The following DNAH5 variants were observed in gnomAD, a reference collection of about 807,000 sequenced individuals.
DNAH5 encodes the protein axonemal beta dynein heavy chain 5.
A neutral mutation model predicts 518.2 loss-of-function variants in DNAH5; 372 were observed. The ratio of observed to expected loss-of-function variants is 0.72; its 90% confidence interval spans 0.66 to 0.78. The LOEUF is 0.78. DNAH5 is among the 30% of genes least tolerant of loss of function. The pLI is 0.00. For missense variants in DNAH5, 5,523 were observed against 5,687.0 expected (o/e 0.97, Z 0.93); for synonymous variants, 2,039 against 2,025.9 (o/e 1.01, Z -0.17).
At chr5:13,770,420 C>A (rs575375708) in intron 56 of DNAH5, among the ~76,000 whole-genome samples, 1 of 152,278 alleles carries the variant, frequency 6.6e-6, no homozygotes, top group Middle Eastern at 3.4e-3. Context: ...TATTATAGAA[C>A]GCAGTAGGCC....
intron 75 of DNAH5, among the ~76,000 whole-genome samples, chr5:13,709,252 A>C (rs1743184443): frequency 1.3e-5 from 2 of 152,190 alleles, no homozygotes; most frequent in South Asian, 2.1e-4. Flanking sequence ...GAGATACAAA[A>C]GGGAAAAATA....
intron 75 of DNAH5, among the ~76,000 whole-genome samples, chr5:13,713,430 T>G (rs1317430082): frequency 1.3e-5 from 1 of 76,792 alleles, no homozygotes; most frequent in Non-Finnish European, 2.4e-5. Context: ...TATATATACA[T>G]CGACATATAT....
chr5:13,808,909 G>A (rs1002327436), intron 46 of DNAH5, 135 bp downstream of exon 46: 53 of 1,026,338 alleles, frequency 5.2e-5, no homozygotes, highest in African/African-American at 1.6e-4. Context: ...GCAGTGAGCC[G>A]AGATCGCGCC....
intron 1 of DNAH5, among the ~76,000 whole-genome samples, chr5:13,964,568 C>T (rs1434074366): frequency 6.6e-6 from 1 of 152,184 alleles, no homozygotes; most frequent in Admixed American, 6.5e-5. Flanking sequence ...AGCCCTGCCT[C>T]AGTGGTCACC....
intron 65 of DNAH5, among the ~76,000 whole-genome samples, chr5:13,745,332 C>G (rs1749183054): frequency 6.6e-6 from 1 of 152,032 alleles, no homozygotes. Flanking sequence ...ACAGGTGCAT[C>G]AGATAAACAA....
intron 35 of DNAH5, among the ~76,000 whole-genome samples, chr5:13,837,106 T>C (rs1041927175): frequency 3.3e-5 from 5 of 152,208 alleles, no homozygotes; most frequent in Non-Finnish European, 7.3e-5. Flanking sequence ...AACACAGCCC[T>C]GCAGACACCT....
intron 32 of DNAH5, among the ~76,000 whole-genome samples, chr5:13,844,002 A>T (rs895318): frequency 0.4 from 60,987 of 151,940 alleles, 12,636 homozygotes; most frequent in East Asian, 0.61. Flanking sequence ...CAGCATCATG[A>T]CTCTCAGACA....
Position 13,902,068 on chromosome 5 carries a change from A to G in DNAH5, c.1715T>C (p.Leu572Ser). ...IQNTNQALRM[L>S]KKFERLNIPN... Reference sequence around the variant, plus strand: ...AAAATTTTACCTTTCAAATTTCTTCAACATTCTTAGAGCTTGATTTGTGTT... The same window carrying G: ...AAAATTTTACCTTTCAAATTTCTTCGACATTCTTAGAGCTTGATTTGTGTT... Residue 572 changes from leucine (L) to serine (S), a missense_variant, in exon 13 of 79, where the codon TTG becomes TCG. Physicochemically the swap from Leu to Ser is moderately radical, Grantham distance 145. Coordinates refer to ENST00000265104, the MANE Select transcript of DNAH5 (RefSeq NM_001369.3). The G allele has an allele frequency of 6.2e-7, 1 of 1,604,086 alleles. No individual in the cohort carries two copies. The highest frequency in any genetic ancestry group is 8.5e-7 in the Non-Finnish European group (1 of 1,173,804).
At chr5:13,851,099 T>C (rs1766774379) in intron 30 of DNAH5, among the ~76,000 whole-genome samples, 1 of 152,226 alleles carries the variant, frequency 6.6e-6, no homozygotes, top group African/African-American at 2.4e-5. Flanking sequence ...CAAGGAAATA[T>C]GAAAAGAAAG....
chr5:13,778,735 C>G (rs951867537), intron 53 of DNAH5, among the ~76,000 whole-genome samples: 3 of 152,208 alleles, frequency 2.0e-5, no homozygotes, highest in African/African-American at 7.2e-5. Flanking sequence ...AAGACACCAA[C>G]AAATAGTTGT....
At chr5:13,855,827 T>C (rs1767554879) in intron 30 of DNAH5, among the ~76,000 whole-genome samples, 1 of 152,144 alleles carries the variant, frequency 6.6e-6, no homozygotes, top group Non-Finnish European at 1.5e-5. Context: ...AAATTAGAAC[T>C]CAAGATTAAG....
intron 10 of DNAH5, 147 bp from the exon 11 acceptor site, chr5:13,914,105 G>GA (rs2151981491): frequency 1.0e-6 from 1 of 996,050 alleles, no homozygotes; most frequent in East Asian, 2.6e-5. Context: ...CATCAGCCTG[G>GA]AAAATCATCT....
intron 41 of DNAH5, among the ~76,000 whole-genome samples, chr5:13,818,409 C>T (rs1338144182): frequency 1.3e-5 from 2 of 152,218 alleles, no homozygotes; most frequent in Non-Finnish European, 2.9e-5. Context: ...TCAGCCTGGC[C>T]AACACGGTGA....
At chr5:13,755,605 T>G (rs1002911092) in intron 61 of DNAH5, among the ~76,000 whole-genome samples, 5 of 152,188 alleles carry the variant, frequency 3.3e-5, no homozygotes, top group Non-Finnish European at 7.3e-5. Flanking sequence ...AGCAAGATAT[T>G]TATTCCACTT....
At chr5:13,822,268 T>G (rs1762331807) in intron 40 of DNAH5, among the ~76,000 whole-genome samples, 1 of 151,614 alleles carries the variant, frequency 6.6e-6, no homozygotes, top group African/African-American at 2.4e-5. Flanking sequence ...TGTTTGTTTT[T>G]GAGACAGAGT....
At chr5:13,888,634 T>C (rs567343864) in intron 17 of DNAH5, among the ~76,000 whole-genome samples, 1 of 152,358 alleles carries the variant, frequency 6.6e-6, no homozygotes, top group South Asian at 2.1e-4. Context: ...TTTTGCTACT[T>C]AAAGTAAAAG....
At chr5:13,754,425 T>C (rs1217914406) in intron 61 of DNAH5, 87 bp from the exon 62 acceptor site, 3 of 1,465,238 alleles carry the variant, frequency 2.0e-6, no homozygotes, top group East Asian at 2.3e-5. Flanking sequence ...CACGCCATAT[T>C]ATCTGCCTTC....
Position 13,862,642 on chromosome 5 carries a change from G to A in DNAH5, c.4702C>T (p.Arg1568Cys), listed in dbSNP as rs765447432. The change falls in exon 29 of 79, where the codon CGT becomes TGT. Residue 1568 changes from arginine to cysteine, a missense_variant. Coordinates refer to ENST00000265104, the MANE Select transcript of DNAH5 (RefSeq NM_001369.3). ...KTFTFGSFKT[R>C]GELLLRGDST... ...TCTCCTCTCAAGAGGAGCTCTCCAC[G>A]GGTTTTAAAGCTGCCGAAGGTGAAT... is the stretch of plus-strand genomic sequence containing the variant. 9.9e-6 allele frequency: 16 copies of A among 1,613,890 alleles called. No individual in the cohort carries two copies. The highest frequency in any genetic ancestry group is 9.9e-5 in the South Asian group (9 of 91,064).
intron 3 of DNAH5, among the ~76,000 whole-genome samples, chr5:13,923,818 C>A (rs941520256): frequency 3.9e-5 from 6 of 151,914 alleles, no homozygotes; most frequent in Admixed American, 3.9e-4. Context: ...CCGAGGCGGG[C>A]AGATCACCTG....
Sources: allele counts gnomAD v4.1 joint callset (sites outside exome capture counted in the v4.1 genomes callset), GRCh38; gene constraint gnomAD v4.1.1; transcripts MANE v1.5; gene names NCBI Gene and HGNC (gene_info 2026-07-23, HGNC 2026-07-21).